CPSF2: variants seen among roughly 807,000 people sequenced by gnomAD.
CPSF2 encodes the protein cleavage and polyadenylation specificity factor subunit 2.
A neutral mutation model predicts 84.2 loss-of-function variants in CPSF2; 51 were observed. That is an observed-to-expected ratio of 0.61 (90% CI 0.48 to 0.77). CPSF2 has a LOEUF of 0.77. Among genes scored for constraint, CPSF2 ranks in the 30% least tolerant of loss-of-function variants. The pLI is 0.00. For missense variants in CPSF2, 641 were observed against 929.4 expected, an observed-to-expected ratio of 0.69 and a Z score of 4.03; for synonymous variants, 286 against 311.9, an observed-to-expected ratio of 0.92 and a Z score of 0.87.
intron 2 of CPSF2, among the ~76,000 whole-genome samples, chr14:92,127,078 T>G (rs562369278): frequency 6.6e-6 from 1 of 152,332 alleles, no homozygotes; most frequent in Non-Finnish European, 1.5e-5. Flanking sequence ...TATTAGGCAC[T>G]GTGGAGGCGC....
In CPSF2 at chr14:92,125,836, C is replaced by A. The variant is rs547281349; in HGVS notation, c.-93-286C>A. 3.9e-5 allele frequency among the ~76,000 whole-genome samples: 6 copies of A among 152,138 alleles called. No homozygotes were observed. The South Asian group carries it at 1.2e-3, about 32-fold the overall frequency. On this transcript the variant is annotated intron_variant, in intron 1 of 15. Coordinates refer to ENST00000298875, the MANE Select transcript of CPSF2 (RefSeq NM_017437.3). ...TTGTTTCTACCCATGTCTTACCAAT[C>A]CTTAGTGAGTAATCTTAAATCCCAC...
chr14:92,127,923 A>G (rs191031448), intron 2 of CPSF2, among the ~76,000 whole-genome samples: 2 of 152,316 alleles, frequency 1.3e-5, no homozygotes, highest in Admixed American at 6.5e-5. Flanking sequence ...ATCAGCTGAG[A>G]CTAGGGTGGA....
At chr14:92,154,305 A>AC (rs1430342454) in intron 9 of CPSF2, 53 bp from the exon 10 acceptor site, 2 of 1,320,124 alleles carry the variant, frequency 1.5e-6, no homozygotes, top group Non-Finnish European at 2.1e-6. Context: ...CACTGCTTTA[A>AC]CCCCCTAATA....
At chr14:92,142,057 T>C in intron 7 of CPSF2, 107 bp from the exon 8 acceptor site, 2 of 900,446 alleles carry the variant, frequency 2.2e-6, no homozygotes, top group Non-Finnish European at 3.2e-6. Flanking sequence ...TAGTTGCTTA[T>C]TTGTAAATTA....
intron 9 of CPSF2, among the ~76,000 whole-genome samples, chr14:92,144,208 G>A (rs1232225141): frequency 6.6e-6 from 1 of 152,140 alleles, no homozygotes; most frequent in East Asian, 1.9e-4. Flanking sequence ...CAGTCTTCCT[G>A]TCCACTTGTG....
At chr14:92,142,398 G>A (rs111556387) in intron 8 of CPSF2, 47 bp downstream of exon 8, 1 of 1,448,312 alleles carries the variant, frequency 6.9e-7, no homozygotes, top group Non-Finnish European at 9.4e-7. Flanking sequence ...ACAGTGATTG[G>A]GTCTGTGGAA....
Position 92,167,371 on chromosome 14 carries a change from A to G in CPSF2, c.*5627A>G, listed in dbSNP as rs1567030239. 6.6e-6 allele frequency: 1 copy of G among 152,156 alleles called. No homozygotes were observed. The highest frequency in any genetic ancestry group is 1.5e-5 in the Non-Finnish European group (1 of 68,036). The allele number at this position is 152,156 out of a possible 1,614,324, so 9.4% of individuals were successfully genotyped here. A position where few individuals can be genotyped will look rare whatever the true frequency, so the allele number is the denominator to read the frequency against. Reference sequence around the variant, plus strand: ...CACTCATTTTTAATAGGAGGTAAAAAGCAGTTGACATTTATAACTTAGAGT... The same window carrying G: ...CACTCATTTTTAATAGGAGGTAAAAGGCAGTTGACATTTATAACTTAGAGT... On this transcript the variant is annotated 3_prime_UTR_variant, in exon 16 of 16. Coordinates refer to ENST00000298875, the MANE Select transcript of CPSF2 (RefSeq NM_017437.3).
At chr14:92,151,898 G>A (rs1038809520) in intron 9 of CPSF2, among the ~76,000 whole-genome samples, 1 of 151,844 alleles carries the variant, frequency 6.6e-6, no homozygotes, top group African/African-American at 2.4e-5. Context: ...AATTAGCTGG[G>A]AGTGGTGGAT....
chr14:92,150,275 C>T (rs979721436), intron 9 of CPSF2, among the ~76,000 whole-genome samples: 5 of 151,606 alleles, frequency 3.3e-5, no homozygotes, highest in Admixed American at 3.3e-4. Flanking sequence ...CCACGTTGCC[C>T]AGCTAATTTT....
At chr14:92,144,109 A>T (rs1460510752) in intron 9 of CPSF2, among the ~76,000 whole-genome samples, 2 of 152,082 alleles carry the variant, frequency 1.3e-5, no homozygotes, top group African/African-American at 4.8e-5. Context: ...TTGCCTTCAG[A>T]CCTGCTGATA....
rs1449708580 is a variant in CPSF2 at position 92,170,908 on chromosome 14, T to A, written c.*9164T>A. ...CTGTTAGTATTTTCTCCACTTGTAT[T>A]TGTTTTTTGGTATAAACTTAAAAAG... is the stretch of plus-strand genomic sequence containing the variant. On this transcript the variant is annotated 3_prime_UTR_variant, in exon 16 of 16. Coordinates refer to ENST00000298875, the MANE Select transcript of CPSF2 (RefSeq NM_017437.3). 1 of 152,238 alleles carries A rather than the reference T, an allele frequency of 6.6e-6. No individual in the cohort carries two copies. 9.4% of individuals were successfully genotyped at this position (152,238 alleles called of 1,614,324 possible). A position where few individuals can be genotyped will look rare whatever the true frequency, so the allele number is the denominator to read the frequency against.
At chr14:92,160,002 G>A (rs1277948806) in intron 14 of CPSF2, among the ~76,000 whole-genome samples, 1 of 151,238 alleles carries the variant, frequency 6.6e-6, no homozygotes, top group Non-Finnish European at 1.5e-5. Context: ...TCGCTCTGTT[G>A]CCCAGGATTG....
At position 92,170,228 on chromosome 14, in the gene CPSF2, A is replaced by G. The variant is rs943420794; in HGVS notation, c.*8484A>G. On this transcript the variant is annotated 3_prime_UTR_variant, in exon 16 of 16. Coordinates refer to ENST00000298875, the MANE Select transcript of CPSF2 (RefSeq NM_017437.3). The stretch of plus-strand genomic sequence containing the variant: ...TTTGAAATAATTTTAAACTTACAGA[A>G]AAGTAGAATAGTTCAAAAGATCCTG... The G allele has an allele frequency of 2.0e-5, 3 of 152,352 alleles. No homozygotes were observed. The highest frequency in any genetic ancestry group is 7.2e-5 in the African/African-American group (3 of 41,580). The allele number at this position is 152,352 out of a possible 1,614,324, so 9.4% of individuals were successfully genotyped here.
chr14:92,123,336 CAGG>C, intron 1 of CPSF2, among the ~76,000 whole-genome samples: 1 of 152,140 alleles, frequency 6.6e-6, no homozygotes, highest in East Asian at 1.9e-4. Context: ...CCTTGTTGGC[CAGG>C]ATTATCCGCC....
At chr14:92,144,783 C>G (rs996468512) in intron 9 of CPSF2, among the ~76,000 whole-genome samples, 1 of 152,202 alleles carries the variant, frequency 6.6e-6, no homozygotes, top group African/African-American at 2.4e-5. Flanking sequence ...AGGATGTTCC[C>G]TTTCTCACGG....
chr14:92,150,981 G>C (rs1274931278), intron 9 of CPSF2, among the ~76,000 whole-genome samples: 1 of 152,158 alleles, frequency 6.6e-6, no homozygotes, highest in South Asian at 2.1e-4. Context: ...TTACAAATGT[G>C]ATTTTAAAAA....
At chr14:92,160,785 C>G (rs2069361704) in intron 14 of CPSF2, among the ~76,000 whole-genome samples, 2 of 152,078 alleles carry the variant, frequency 1.3e-5, no homozygotes, top group Admixed American at 1.3e-4. Flanking sequence ...TCAGTCCTGC[C>G]CATGGCACGC....
intron 3 of CPSF2, 45 bp from the exon 4 acceptor site, chr14:92,133,966 C>T: frequency 6.2e-7 from 1 of 1,600,600 alleles, no homozygotes; most frequent in Non-Finnish European, 8.6e-7. Flanking sequence ...TGTCTTTACC[C>T]TTAAAAAGAT....
Position 92,163,970 on chromosome 14 carries a change from T to C in CPSF2, c.*2226T>C. The C allele has an allele frequency of 6.6e-6, 1 of 152,550 alleles. No homozygotes were observed. The highest frequency in any genetic ancestry group is 1.5e-5 in the Non-Finnish European group (1 of 68,210). The allele number at this position is 152,550 out of a possible 1,614,324, so 9.4% of individuals were successfully genotyped here. On this transcript the variant is annotated 3_prime_UTR_variant, in exon 16 of 16. Coordinates refer to ENST00000298875, the MANE Select transcript of CPSF2 (RefSeq NM_017437.3). ...GCCTCAAACTCCCGACCTCAGGTGA[T>C]CCGCCCGCCTGGGCCTCCCAAAGTG...
Sources: gnomAD v4.1 joint callset for allele counts (sites outside exome capture counted in the v4.1 genomes callset) on GRCh38, gnomAD v4.1.1 for gene constraint, MANE v1.5 for transcripts, NCBI Gene and HGNC (gene_info 2026-07-23, HGNC 2026-07-21) for gene names.